The following SLC24A2 variants were observed in gnomAD, a reference collection of about 807,000 sequenced individuals.
SLC24A2 encodes sodium/potassium/calcium exchanger 2.
SLC24A2 carries 36 observed loss-of-function variants against 62.0 expected under a neutral mutation model. That is an observed-to-expected ratio of 0.58 (90% CI 0.44 to 0.77). The LOEUF is 0.77. SLC24A2 is among the 30% of genes least tolerant of loss of function. The probability of loss-of-function intolerance (pLI) is 0.00; values close to 1 mark genes in which losing one functional copy is unlikely to be tolerated. For synonymous variants in SLC24A2, 358 were observed against 294.0 expected (o/e 1.22, Z -2.23); for missense variants, 846 against 817.9 (o/e 1.03, Z -0.42).
the SLC24A2 span, among the ~76,000 whole-genome samples, chr9:20,231,228 G>A: frequency 1.3e-5 from 2 of 152,204 alleles, no homozygotes; most frequent in Admixed American, 1.3e-4. Context: ...CTCTTTTTTG[G>A]TCCCATATGA....
intron 2 of SLC24A2, among the ~76,000 whole-genome samples, chr9:19,623,903 C>A (rs1191752549): frequency 6.6e-6 from 1 of 152,184 alleles, no homozygotes; most frequent in Non-Finnish European, 1.5e-5. Flanking sequence ...GTGGGCATCA[C>A]TAAATTCGCC....
chr9:19,516,577 G>T (rs948449995), intron 10 of SLC24A2, among the ~76,000 whole-genome samples, 175 bp from the exon 11 acceptor site: 1 of 152,136 alleles, frequency 6.6e-6, no homozygotes, highest in African/African-American at 2.4e-5. Context: ...CACTTTATAA[G>T]GAAATAAGAC....
At chr9:20,305,966 G>T in the SLC24A2 span, among the ~76,000 whole-genome samples, 1 of 152,156 alleles carries the variant, frequency 6.6e-6, no homozygotes, top group East Asian at 1.9e-4. Context: ...TTTTCTCTGT[G>T]TGTCTGTGTC....
At chr9:19,725,894 TTA>T (rs750876023) in intron 2 of SLC24A2, among the ~76,000 whole-genome samples, 39 of 152,282 alleles carry the variant, frequency 2.6e-4, no homozygotes, top group South Asian at 6.2e-4. Flanking sequence ...TGGGGTACAG[TTA>T]TGTCAGACTT....
chr9:19,515,918 C>G lies in SLC24A2; in HGVS notation c.*235G>C. On this transcript the variant is annotated 3_prime_UTR_variant, in exon 11 of 11. Transcript: ENST00000341998. ...TGTCAGTGGTGAATAGGGAGAAGCC[C>G]TGTATTGACGGTTCTCTTTGTCTTT... 1.9e-6 allele frequency: 1 copy of G among 537,382 alleles called. No homozygotes were observed. Among genetic ancestry groups the G allele is most frequent in the Non-Finnish European group, 3.4e-6 (1 of 298,088 alleles). The allele number at this position is 537,382 out of a possible 1,614,324, so 33.3% of individuals were successfully genotyped here.
the SLC24A2 span, among the ~76,000 whole-genome samples, chr9:19,939,082 A>G: frequency 1.3e-5 from 2 of 152,246 alleles, no homozygotes; most frequent in Admixed American, 6.5e-5. Context: ...ATAAATATGT[A>G]GGTGATATCT....
intron 8 of SLC24A2, among the ~76,000 whole-genome samples, chr9:19,545,899 A>C (rs960547838): frequency 2.6e-5 from 4 of 152,084 alleles, no homozygotes; most frequent in Admixed American, 1.3e-4. Context: ...GGCCTCCCAG[A>C]GTGCTGGGAT....
chr9:19,586,295 C>T (rs1274909387), intron 5 of SLC24A2, among the ~76,000 whole-genome samples: 5 of 152,170 alleles, frequency 3.3e-5, no homozygotes, highest in African/African-American at 1.2e-4. Flanking sequence ...CCATCTGTGC[C>T]CTCAATGCTC....
the SLC24A2 span, among the ~76,000 whole-genome samples, chr9:19,888,534 G>T: frequency 1.3e-5 from 2 of 152,070 alleles, no homozygotes; most frequent in South Asian, 2.1e-4. Context: ...ATTATCTGTG[G>T]GCTTTTAACT....
the SLC24A2 span, chr9:19,926,576 A>T: frequency 2.3e-4 from 34 of 146,496 alleles, no homozygotes; most frequent in South Asian, 1.3e-3. Flanking sequence ...TGCAGGTATA[A>T]AAAAAAAAAA....
the SLC24A2 span, among the ~76,000 whole-genome samples, chr9:20,149,112 A>G: frequency 2.4e-3 from 358 of 152,172 alleles, 1 homozygote; most frequent in African/African-American, 7.5e-3. Flanking sequence ...AACACTGAGC[A>G]GATTTGTATA....
chr9:20,159,358 C>T, the SLC24A2 span, among the ~76,000 whole-genome samples: 7 of 151,578 alleles, frequency 4.6e-5, no homozygotes, highest in African/African-American at 1.7e-4. Context: ...TCTTTATATG[C>T]TATGGTCTTT....
chr9:20,278,966 C>T, the SLC24A2 span, among the ~76,000 whole-genome samples: 5 of 152,150 alleles, frequency 3.3e-5, no homozygotes, highest in Admixed American at 6.5e-5. Flanking sequence ...AAGGCACTTA[C>T]AATCATGGCA....
chr9:20,028,810 C>A, the SLC24A2 span, among the ~76,000 whole-genome samples: 1 of 152,344 alleles, frequency 6.6e-6, no homozygotes, highest in East Asian at 1.9e-4. Flanking sequence ...TGTCAAAAGC[C>A]TGGCAGATCC....
At chr9:20,155,221 T>A in the SLC24A2 span, among the ~76,000 whole-genome samples, 1 of 151,732 alleles carries the variant, frequency 6.6e-6, no homozygotes. Context: ...AAGTGTTATA[T>A]TTCAAACAAA....
At chr9:20,081,178 C>T in the SLC24A2 span, among the ~76,000 whole-genome samples, 2,848 of 152,072 alleles carry the variant, frequency 0.019, 80 homozygotes, top group African/African-American at 0.065. Flanking sequence ...CACATGCACA[C>T]GTATGTTTAT....
At chr9:19,855,311 T>C in the SLC24A2 span, among the ~76,000 whole-genome samples, 1 of 152,208 alleles carries the variant, frequency 6.6e-6, no homozygotes, top group Non-Finnish European at 1.5e-5. Context: ...TATTTTTATG[T>C]GTGAATTTGA....
At chr9:19,854,655 A>C in the SLC24A2 span, among the ~76,000 whole-genome samples, 1 of 152,198 alleles carries the variant, frequency 6.6e-6, no homozygotes, top group South Asian at 2.1e-4. Context: ...CTGTGGTCAG[A>C]GAGACTGTTA....
At chr9:20,112,770 A>G in the SLC24A2 span, among the ~76,000 whole-genome samples, 4 of 151,858 alleles carry the variant, frequency 2.6e-5, no homozygotes, top group Non-Finnish European at 5.9e-5. Context: ...CGAATCACCT[A>G]ATTTTTAGTG....
Sources: gnomAD v4.1 joint callset for allele counts (sites outside exome capture counted in the v4.1 genomes callset) on GRCh38, gnomAD v4.1.1 for gene constraint, MANE v1.5 for transcripts, NCBI Gene and HGNC (gene_info 2026-07-23, HGNC 2026-07-21) for gene names.